Variants in MTSS1 observed in about 807,000 individuals in gnomAD.
MTSS1 encodes MTSS I-BAR domain containing 1, also known as protein MTSS 1.
MTSS1 carries 18 observed loss-of-function variants against 79.0 expected under a neutral mutation model. The ratio of observed to expected loss-of-function variants is 0.23; its 90% CI spans 0.16 to 0.34. The LOEUF is 0.34. Ranked by LOEUF, MTSS1 falls within the 10% of genes least tolerant of loss-of-function variation. The pLI is 1.00. For synonymous variants in MTSS1, 341 were observed against 368.6 expected (o/e 0.93, Z 0.86); for missense variants, 815 against 986.2 (o/e 0.83, Z 2.33).
chr8:124,591,077 T>C (rs578128491), intron 4 of MTSS1, 74 bp downstream of exon 4: 1 of 1,214,724 alleles, frequency 8.2e-7, no homozygotes, highest in Admixed American at 1.7e-5. Context: ...AAATGCTGTG[T>C]GCCACACATG....
chr8:124,624,514 GCAGCTCCAGAGTAATGA>G lies in MTSS1; in HGVS notation c.209-33296_209-33280del, dbSNP rs373505060. Among the ~76,000 whole-genome samples, 665 of 152,280 alleles carry G rather than the reference GCAGCTCCAGAGTAATGA, an allele frequency of 4.4e-3. 2 individuals are homozygous for G. Among genetic ancestry groups the G allele is most frequent in the African/African-American group, 0.015 (643 of 41,556 alleles). On this transcript the variant is annotated intron_variant, in intron 3 of 13. Coordinates refer to ENST00000518547, the MANE Select transcript of MTSS1 (RefSeq NM_014751.6). ...ACAGGGGCAGTGTCTATTCAGCCTG[GCAGCTCCAGAGTAATGA>G]CAGAGGCAGGGCTAAGGATCCCAGG...
Position 124,727,872 on chromosome 8 carries a change from C to G in MTSS1, c.72+12G>C. On this transcript the variant is annotated intron_variant, in intron 1 of 13. Transcript: ENST00000518547. The surrounding 1 kb of genome is among the most constrained non-coding windows in gnomAD (Gnocchi z 4.7). ...GGCGGCCGGCGCCGCAGCCGCACCC[C>G]CGGCGTCCTACCTTCATGTCGCTGA... 6.3e-7 allele frequency: 1 copy of G among 1,583,532 alleles called. No individual in the cohort carries two copies. The highest frequency in any genetic ancestry group is 8.6e-7 in the Non-Finnish European group (1 of 1,168,950).
Position 124,553,317 on chromosome 8 carries a change from G to A in MTSS1, c.1943C>T (p.Pro648Leu), listed in dbSNP as rs868279277. The A allele has an allele frequency of 6.2e-7, 1 of 1,614,048 alleles. No individual in the cohort carries two copies. Among genetic ancestry groups the A allele is most frequent in the African/African-American group, 1.3e-5 (1 of 75,040 alleles). Residue 648 changes from proline to leucine, a missense_variant, in exon 14 of 14, where the codon CCA (proline) becomes CTA (leucine). Pro to Leu is a moderately conservative substitution (Grantham distance 98). Transcript: ENST00000518547. The surrounding 1 kb of genome is among the most constrained non-coding windows in gnomAD (Gnocchi z 6.0). ...EERGEHSPES[P>L]SVGEGPQGVT... ...ACCTTGGGGGCCCTCACCCACAGAT[G>A]GCGACTCAGGGCTGTGCTCCCCCCG...
At chr8:124,612,299 G>A (rs1835960336) in intron 3 of MTSS1, among the ~76,000 whole-genome samples, 1 of 152,168 alleles carries the variant, frequency 6.6e-6, no homozygotes, top group East Asian at 1.9e-4. Flanking sequence ...AAGAAGCCAG[G>A]GTCGTCCCCA....
intron 6 of MTSS1, among the ~76,000 whole-genome samples, chr8:124,574,782 CCTTT>C (rs1482047778): frequency 6.6e-6 from 1 of 152,194 alleles, no homozygotes; most frequent in Non-Finnish European, 1.5e-5. Context: ...CACCCCAAGT[CCTTT>C]CTTTCTTCGG....
At chr8:124,619,231 C>T (rs1208523797) in intron 3 of MTSS1, 1 of 152,204 alleles carries the variant, frequency 6.6e-6, no homozygotes, top group Non-Finnish European at 1.5e-5. Flanking sequence ...CTCCTGCTTA[C>T]CTCCCAGCTT....
At chr8:124,686,102 CG>C (rs1826922815) in intron 3 of MTSS1, among the ~76,000 whole-genome samples, 1 of 152,160 alleles carries the variant, frequency 6.6e-6, no homozygotes, top group South Asian at 2.1e-4. Context: ...CAGGCAGGTA[CG>C]GCAGACCTGA....
chr8:124,728,399 G>C lies in MTSS1; in HGVS notation c.-444C>G, dbSNP rs1467055167. 1.3e-5 allele frequency: 2 copies of C among 152,038 alleles called. No homozygotes were observed. The highest frequency in any genetic ancestry group is 2.9e-5 in the Non-Finnish European group (2 of 68,106). 9.4% of individuals were successfully genotyped at this position (152,038 alleles called of 1,614,324 possible). ...ACAGCAGAGCGGGTCAGCTCGCGGC[G>C]TCCGGATCTGTTGCTCGCAGCTGCG... On this transcript the variant is annotated 5_prime_UTR_variant, in exon 1 of 14. Coordinates refer to ENST00000518547, the MANE Select transcript of MTSS1 (RefSeq NM_014751.6). This position sits in a 1 kb window ranked among gnomAD's most constrained non-coding sequence, Gnocchi z 6.1.
At chr8:124,648,150 A>G (rs1819315871) in intron 3 of MTSS1, among the ~76,000 whole-genome samples, 1 of 152,180 alleles carries the variant, frequency 6.6e-6, no homozygotes, top group Non-Finnish European at 1.5e-5. Flanking sequence ...GCCTTTTATT[A>G]ACAGAGGAAA....
At chr8:124,715,057 A>C (rs1831731815) in intron 1 of MTSS1, among the ~76,000 whole-genome samples, 1 of 152,218 alleles carries the variant, frequency 6.6e-6, no homozygotes, top group Non-Finnish European at 1.5e-5. Context: ...TGCACACCCT[A>C]TGAAATGTTA....
intron 1 of MTSS1, among the ~76,000 whole-genome samples, chr8:124,714,576 C>T (rs1831644638): frequency 1.3e-5 from 2 of 152,134 alleles, no homozygotes; most frequent in Non-Finnish European, 2.9e-5. Flanking sequence ...GATCTTCCTG[C>T]CCCAGCCTCT....
chr8:124,592,795 G>A (rs376355319), intron 3 of MTSS1, among the ~76,000 whole-genome samples: 1 of 152,112 alleles, frequency 6.6e-6, no homozygotes, highest in South Asian at 2.1e-4. Flanking sequence ...TTTGTTGCTG[G>A]GCTGGACTGG....
intron 3 of MTSS1, among the ~76,000 whole-genome samples, chr8:124,610,947 C>A (rs1159103523): frequency 6.6e-6 from 1 of 152,224 alleles, no homozygotes; most frequent in Non-Finnish European, 1.5e-5. Flanking sequence ...ATGGTTGTCA[C>A]TGTTATGCTA....
At chr8:124,571,230 C>G (rs1197925870) in intron 6 of MTSS1, among the ~76,000 whole-genome samples, 1 of 152,248 alleles carries the variant, frequency 6.6e-6, no homozygotes, top group Non-Finnish European at 1.5e-5. Context: ...GACCCACCAC[C>G]TGTGGCCAAC....
chr8:124,605,548 C>T (rs1477543579), intron 3 of MTSS1, among the ~76,000 whole-genome samples: 1 of 131,640 alleles, frequency 7.6e-6, no homozygotes, highest in African/African-American at 3.0e-5. Flanking sequence ...CCTCGCACTG[C>T]CTCCCTCCCT....
intron 7 of MTSS1, 109 bp downstream of exon 7, chr8:124,568,270 T>C: frequency 1.5e-6 from 2 of 1,317,048 alleles, no homozygotes; most frequent in Non-Finnish European, 1.0e-6. Context: ...ACCACCATCA[T>C]GATTCCTGAC....
intron 3 of MTSS1, among the ~76,000 whole-genome samples, chr8:124,616,834 G>A (rs1481168307): frequency 6.6e-6 from 1 of 152,216 alleles, no homozygotes; most frequent in African/African-American, 2.4e-5. Flanking sequence ...ACTGCGCTAA[G>A]GAGGCAACTG....
rs371565145 is a variant in MTSS1, at chr8:124,582,622, C to CA, written c.460+2464dup. ...ATACATCAGATTCCGTCTATCAGGA[C>CA]AAAAAAAAAAATGTATCCAAAACCT... On this transcript the variant is annotated intron_variant, in intron 6 of 13. Coordinates refer to ENST00000518547, the MANE Select transcript of MTSS1 (RefSeq NM_014751.6). The surrounding 1 kb of genome is among the most constrained non-coding windows in gnomAD (Gnocchi z 4.8). Among the ~76,000 whole-genome samples the CA allele has an allele frequency of 0.08, 11,541 of 144,364 alleles. 575 individuals are homozygous for CA. Among genetic ancestry groups the CA allele is most frequent in the Non-Finnish European group, 0.11 (7,389 of 65,630 alleles). 94.7% of individuals were successfully genotyped at this position (144,364 alleles called of 152,430 possible).
At chr8:124,717,892 A>T (rs1832327336) in intron 1 of MTSS1, among the ~76,000 whole-genome samples, 1 of 152,206 alleles carries the variant, frequency 6.6e-6, no homozygotes, top group Non-Finnish European at 1.5e-5. Context: ...CCCAGCACTT[A>T]GAACCTGGTA....
Sources: gnomAD v4.1 joint callset for allele counts (sites outside exome capture counted in the v4.1 genomes callset) on GRCh38, gnomAD v4.1.1 for gene constraint, Gnocchi (gnomAD v3.1) non-coding constraint, MANE v1.5 for transcripts, NCBI Gene and HGNC (gene_info 2026-07-23, HGNC 2026-07-21) for gene names.